RYR3: variants seen among roughly 807,000 people sequenced by gnomAD.
The protein encoded by RYR3 is brain ryanodine receptor-calcium release channel.
RYR3 carries 207 observed loss-of-function variants against 584.3 expected under a neutral mutation model. The observed-to-expected ratio is 0.35, with a 90% CI of 0.32 to 0.40. RYR3 has a LOEUF of 0.40. Among genes scored for constraint, RYR3 ranks in the 10% least tolerant of loss-of-function variants. The pLI, the probability that RYR3 is intolerant of heterozygous loss-of-function variation, is 1.00. For synonymous variants in RYR3, 2,416 were observed against 2,248.5 expected (o/e 1.07, Z -2.11); for missense variants, 5,616 against 6,089.2 (o/e 0.92, Z 2.59).
intron 78 of RYR3, 67 bp from the exon 79 acceptor site, chr15:33,821,203 C>A: frequency 7.8e-7 from 1 of 1,273,922 alleles, no homozygotes; most frequent in Non-Finnish European, 1.1e-6. Context: ...TCTCTCACCT[C>A]ACTATGGGTG....
intron 1 of RYR3, among the ~76,000 whole-genome samples, chr15:33,441,129 C>G (rs571831909): frequency 6.6e-6 from 1 of 152,310 alleles, no homozygotes; most frequent in South Asian, 2.1e-4. Context: ...GAGAATTTGC[C>G]ATCATTCTAG....
At chr15:33,567,896 C>T (rs540332451) in intron 12 of RYR3, among the ~76,000 whole-genome samples, 1 of 152,310 alleles carries the variant, frequency 6.6e-6, no homozygotes, top group African/African-American at 2.4e-5. Flanking sequence ...ACCTTGGCCA[C>T]ATGCTAGATT....
At chr15:33,860,350 G>C (rs114659623) in intron 100 of RYR3, among the ~76,000 whole-genome samples, 1,909 of 152,244 alleles carry the variant, frequency 0.013, 39 homozygotes, top group African/African-American at 0.043. Flanking sequence ...GAAGTAGAAA[G>C]GAAAGAGTTT....
At chr15:33,644,214 G>A (rs1358958284) in intron 27 of RYR3, 97 bp from the exon 28 acceptor site, 1 of 850,708 alleles carries the variant, frequency 1.2e-6, no homozygotes, top group Non-Finnish European at 1.9e-6. Context: ...TTTCCTACTG[G>A]GAGTCAAAGC....
intron 11 of RYR3, among the ~76,000 whole-genome samples, chr15:33,566,070 A>G (rs2057699462): frequency 1.3e-5 from 2 of 152,186 alleles, no homozygotes; most frequent in South Asian, 4.1e-4. Context: ...CCAAGGTCAC[A>G]CGGCTGGTAA....
intron 2 of RYR3, among the ~76,000 whole-genome samples, chr15:33,495,869 A>T (rs2051373743): frequency 6.6e-6 from 1 of 152,234 alleles, no homozygotes; most frequent in South Asian, 2.1e-4. Flanking sequence ...TTCACCTTTG[A>T]AGTATAACTA....
intron 32 of RYR3, among the ~76,000 whole-genome samples, chr15:33,657,451 A>T (rs932035990): frequency 6.6e-6 from 1 of 152,202 alleles, no homozygotes; most frequent in Non-Finnish European, 1.5e-5. Flanking sequence ...TGCTCCCTTC[A>T]GTTTGCAGTG....
chr15:33,688,401 G>A (rs11072608), intron 38 of RYR3, among the ~76,000 whole-genome samples: 45,864 of 151,378 alleles, frequency 0.3, 8,034 homozygotes, highest in Non-Finnish European at 0.4. Context: ...GTGAAACCCC[G>A]TCTCTACTAA....
intron 42 of RYR3, among the ~76,000 whole-genome samples, chr15:33,702,275 G>A (rs2066360863): frequency 1.3e-5 from 2 of 152,114 alleles, no homozygotes; most frequent in African/African-American, 4.8e-5. Flanking sequence ...AGGCAAAGGG[G>A]CAACACGATA....
chr15:33,738,406 T>C (rs764452576), intron 49 of RYR3, 44 bp from the exon 50 acceptor site: 53 of 1,572,348 alleles, frequency 3.4e-5, no homozygotes, highest in Admixed American at 9.4e-5. Flanking sequence ...CTGTGGACTT[T>C]CTCTATGCCA....
intron 19 of RYR3, among the ~76,000 whole-genome samples, chr15:33,615,868 G>A (rs1457491542): frequency 6.6e-6 from 1 of 152,134 alleles, no homozygotes; most frequent in Non-Finnish European, 1.5e-5. Context: ...AGAGGGAAAG[G>A]ACCTTCTAGC....
In RYR3 at chr15:33,552,127, G is replaced by A. The variant is rs529714307; in HGVS notation, c.972+1811G>A. On this transcript the variant is annotated intron_variant, in intron 10 of 103. Transcript: ENST00000634891. ...GAGGTCTTTACCATTTCAAAAAGGGGCTTTTCTTCCAGCACAGGATCAGGC... is the reference window on the plus strand; with the variant it reads ...GAGGTCTTTACCATTTCAAAAAGGGACTTTTCTTCCAGCACAGGATCAGGC... 7.2e-5 allele frequency among the ~76,000 whole-genome samples: 11 copies of A among 152,300 alleles called. No homozygotes were observed. In the East Asian group the frequency reaches 2.1e-3, roughly 29 times the overall value.
At chr15:33,656,975 C>T (rs937287279) in intron 32 of RYR3, among the ~76,000 whole-genome samples, 6 of 151,408 alleles carry the variant, frequency 4.0e-5, no homozygotes, top group African/African-American at 1.4e-4. Flanking sequence ...CTGCAGAATG[C>T]CTTTTGCCGT....
intron 21 of RYR3, among the ~76,000 whole-genome samples, chr15:33,629,060 C>A (rs1313040507): frequency 6.6e-6 from 1 of 152,202 alleles, no homozygotes; most frequent in East Asian, 1.9e-4. Flanking sequence ...CCTATAACGC[C>A]AACTCTCTCA....
chr15:33,649,087 A>G lies in RYR3; in HGVS notation c.3994A>G (p.Ile1332Val), dbSNP rs780193328. ...SHTTTQCYYA[I>V]RIFAGQDPSC... ...CTCTCCACAGCAGTGCTACTACGCCATCCGCATCTTTGCTGGACAGGATCC... is the reference window on the plus strand; with the variant it reads ...CTCTCCACAGCAGTGCTACTACGCCGTCCGCATCTTTGCTGGACAGGATCC... The change falls in exon 31 of 104, where the codon ATC becomes GTC. Residue 1332 changes from isoleucine (I) to valine (V), a missense_variant. Physicochemically the swap from Ile to Val is conservative, Grantham distance 29. Around this residue, in one of 9 missense-constraint regions of RYR3, gnomAD observed 753 missense variants for 741.0 expected, o/e 1.02. Coordinates refer to ENST00000634891, the MANE Select transcript of RYR3 (RefSeq NM_001036.6). The G allele has an allele frequency of 1.9e-6, 3 of 1,613,248 alleles. No individual in the cohort carries two copies. Among genetic ancestry groups the G allele is most frequent in the South Asian group, 1.1e-5 (1 of 91,030 alleles).
intron 69 of RYR3, among the ~76,000 whole-genome samples, chr15:33,806,093 A>G (rs1382950032): frequency 2.0e-5 from 3 of 151,812 alleles, no homozygotes; most frequent in Non-Finnish European, 4.4e-5. Context: ...TTGACTTGTC[A>G]TTGCTTCGGT....
chr15:33,773,216 A>G (rs1052082711), intron 63 of RYR3, among the ~76,000 whole-genome samples: 3 of 152,244 alleles, frequency 2.0e-5, no homozygotes, highest in African/African-American at 7.2e-5. Flanking sequence ...AAATGTCTCT[A>G]TTGGAAACGA....
chr15:33,641,900 T>C (rs1178723401), intron 27 of RYR3, among the ~76,000 whole-genome samples: 2 of 152,226 alleles, frequency 1.3e-5, no homozygotes, highest in Non-Finnish European at 2.9e-5. Context: ...TCATAATTAC[T>C]GTTTAAATCT....
intron 45 of RYR3, among the ~76,000 whole-genome samples, chr15:33,725,526 C>T (rs1194208269): frequency 1.3e-5 from 2 of 152,138 alleles, no homozygotes; most frequent in East Asian, 1.9e-4. Flanking sequence ...CGGGGTGGAT[C>T]GGGCTACTCA....
Sources: allele counts gnomAD v4.1 joint callset (sites outside exome capture counted in the v4.1 genomes callset), GRCh38; gene constraint gnomAD v4.1.1; regional missense constraint gnomAD v4.1.1; transcripts MANE v1.5; gene names NCBI Gene and HGNC (gene_info 2026-07-23, HGNC 2026-07-21).